Variants in CHST10 observed in about 807,000 individuals in gnomAD.
The protein encoded by CHST10 is HNK-1 sulfotransferase.
A neutral mutation model predicts 34.7 loss-of-function variants in CHST10; 24 were observed. The ratio of observed to expected loss-of-function variants is 0.69; its 90% CI spans 0.50 to 0.97. CHST10 has a LOEUF of 0.97. Among genes scored for constraint, CHST10 ranks in the 50% least tolerant of loss-of-function variants. CHST10 has a pLI of 0.00. For synonymous variants in CHST10, 161 were observed against 169.3 expected, an observed-to-expected ratio of 0.95 and a Z score of 0.38; for missense variants, 402 against 452.1, an observed-to-expected ratio of 0.89 and a Z score of 1.00.
intron 1 of CHST10, chr2:100,416,370 C>T (rs1172710237): frequency 1.3e-5 from 2 of 152,186 alleles, no homozygotes; most frequent in African/African-American, 2.4e-5. Context: ...ATTTTCTGCT[C>T]AGGTATTTCT....
rs1674848672 is a variant in CHST10, at chr2:100,392,702, C to A, written c.*543G>T. The A allele has an allele frequency of 6.2e-6, 1 of 160,690 alleles. No homozygotes were observed. The highest frequency in any genetic ancestry group is 1.8e-4 in the South Asian group (1 of 5,560). 10.0% of individuals were successfully genotyped at this position (160,690 alleles called of 1,614,324 possible). A position where few individuals can be genotyped will look rare whatever the true frequency, so the allele number is the denominator to read the frequency against. ...TCACAGAAAGAATGCTTTGCCTCCA[C>A]AATTGTCGCAGCACCAAGATGAAGG... On this transcript the variant is annotated 3_prime_UTR_variant, in exon 7 of 7. Coordinates refer to ENST00000264249, the MANE Select transcript of CHST10 (RefSeq NM_004854.5).
In CHST10 at chr2:100,410,179, G is replaced by A. The variant is rs75287930; in HGVS notation, c.-32-3472C>T. 3.7e-3 allele frequency among the ~76,000 whole-genome samples: 557 copies of A among 152,350 alleles called. 2 individuals are homozygous for A. The highest frequency in any genetic ancestry group is 6.6e-3 in the South Asian group (32 of 4,830). ...CACAGAGCCTGTGGGCAGTCACTGC[G>A]GGGTCCAGGAGGGAGCTCTCTGAGG... On this transcript the variant is annotated intron_variant, in intron 2 of 6. Coordinates refer to ENST00000264249, the MANE Select transcript of CHST10 (RefSeq NM_004854.5).
chr2:100,393,053 C>G lies in CHST10; in HGVS notation c.*192G>C, dbSNP rs1674866947. On this transcript the variant is annotated 3_prime_UTR_variant, in exon 7 of 7. Coordinates refer to ENST00000264249, the MANE Select transcript of CHST10 (RefSeq NM_004854.5). The stretch of plus-strand genomic sequence containing the variant: ...AGGGGTGTGGGCAGGGTCCTCAGAG[C>G]ATCTTACATCCAAACTAAGTTGTAA... 1.1e-5 allele frequency: 7 copies of G among 620,406 alleles called. No individual in the cohort carries two copies. In the South Asian group the frequency reaches 1.4e-4, roughly 12 times the overall value. 38.4% of individuals were successfully genotyped at this position (620,406 alleles called of 1,614,324 possible). A position where few individuals can be genotyped will look rare whatever the true frequency, so the allele number is the denominator to read the frequency against.
rs1429036448 is a variant in CHST10, at chr2:100,392,259, T to C, written c.*986A>G. The C allele has an allele frequency of 6.5e-6, 1 of 152,676 alleles. No individual in the cohort carries two copies. Among genetic ancestry groups the C allele is most frequent in the African/African-American group, 2.4e-5 (1 of 41,420 alleles). 9.5% of individuals were successfully genotyped at this position (152,676 alleles called of 1,614,324 possible). On this transcript the variant is annotated 3_prime_UTR_variant, in exon 7 of 7. Coordinates refer to ENST00000264249, the MANE Select transcript of CHST10 (RefSeq NM_004854.5). ...TGCTGAGATGAAAGGAATCGAAATG[T>C]ATAAACTACACTGAATTCTGTGATG...
At chr2:100,409,662 G>A (rs1675738309) in intron 2 of CHST10, among the ~76,000 whole-genome samples, 1 of 152,138 alleles carries the variant, frequency 6.6e-6, no homozygotes, top group African/African-American at 2.4e-5. Context: ...CTAGGTGGCT[G>A]TGGGTGTGTC....
intron 4 of CHST10, among the ~76,000 whole-genome samples, chr2:100,399,666 C>CT (rs1558637283): frequency 1.3e-5 from 2 of 152,172 alleles, no homozygotes; most frequent in African/African-American, 4.8e-5. Flanking sequence ...GAGGTCCCCC[C>CT]TCAGGGCCCC....
chr2:100,399,603 A>C (rs936644115), intron 4 of CHST10, among the ~76,000 whole-genome samples: 2 of 152,226 alleles, frequency 1.3e-5, no homozygotes, highest in Admixed American at 6.5e-5. Flanking sequence ...TGGGAAGGAC[A>C]TAAGACTTCT....
intron 4 of CHST10, among the ~76,000 whole-genome samples, chr2:100,399,140 G>A (rs1191836726): frequency 2.1e-5 from 3 of 146,110 alleles, no homozygotes; most frequent in East Asian, 2.0e-4. Context: ...GTCTCGTTCT[G>A]TGGCCCAGGC....
chr2:100,416,920 A>T, intron 1 of CHST10: 1 of 1,275,810 alleles, frequency 7.8e-7, no homozygotes, highest in Non-Finnish European at 1.0e-6. Context: ...AGCGAAGATC[A>T]GAGGCTCAGG....
rs887996555 is a variant in CHST10 at position 100,417,638 on chromosome 2, C to G, written c.-368G>C. The G allele has an allele frequency of 4.0e-5, 6 of 150,998 alleles. 1 individual carries two copies. The highest frequency in any genetic ancestry group is 3.4e-3 in the Middle Eastern group (1 of 292). The allele number at this position is 150,998 out of a possible 1,614,324, so 9.4% of individuals were successfully genotyped here. A position where few individuals can be genotyped will look rare whatever the true frequency, so the allele number is the denominator to read the frequency against. ...ACGCCGGCACCGCCTCACGCGGCCC[C>G]CTCGCGCCTATCCGGCCGTGCGCGC... is the stretch of plus-strand genomic sequence containing the variant. On this transcript the variant is annotated 5_prime_UTR_variant, in exon 1 of 7. Transcript: ENST00000264249.
intron 1 of CHST10, among the ~76,000 whole-genome samples, 169 bp from the exon 2 acceptor site, chr2:100,415,280 G>C (rs1049574089): frequency 6.6e-6 from 1 of 152,058 alleles, no homozygotes; most frequent in Non-Finnish European, 1.5e-5. Flanking sequence ...GGATTTCTTG[G>C]TAAATGAATA....
chr2:100,417,052 C>A (rs1676096339), intron 1 of CHST10: 1 of 1,304,146 alleles, frequency 7.7e-7, no homozygotes, highest in African/African-American at 1.5e-5. Context: ...CAAGCTGAAC[C>A]CTTTCTTCCT....
At chr2:100,410,269 G>A (rs1048448218) in intron 2 of CHST10, among the ~76,000 whole-genome samples, 6 of 152,188 alleles carry the variant, frequency 3.9e-5, no homozygotes, top group Non-Finnish European at 8.8e-5. Context: ...CCTTTCCCAT[G>A]GGCAGCAGAG....
chr2:100,415,566 T>C (rs1235373754), intron 1 of CHST10, among the ~76,000 whole-genome samples: 1 of 152,072 alleles, frequency 6.6e-6, no homozygotes, highest in Non-Finnish European at 1.5e-5. Context: ...TGGAATTAGA[T>C]CATGGATTTA....
At position 100,396,544 on chromosome 2, in the gene CHST10, T is replaced by C. The variant is rs537731810; in HGVS notation, c.428-930A>G. On this transcript the variant is annotated intron_variant, in intron 5 of 6. Transcript: ENST00000264249. ...TGACCAGTGGACACAGTCTTGTCTGTTTTATTGATTCCTCCCCCGAGTGTT... is the reference window on the plus strand; with the variant it reads ...TGACCAGTGGACACAGTCTTGTCTGCTTTATTGATTCCTCCCCCGAGTGTT... 2.0e-5 allele frequency among the ~76,000 whole-genome samples: 3 copies of C among 152,278 alleles called. No homozygotes were observed. The South Asian group carries it at 6.2e-4, about 32-fold the overall frequency.
intron 2 of CHST10, among the ~76,000 whole-genome samples, chr2:100,411,150 TC>T (rs1288099710): frequency 2.0e-5 from 3 of 149,376 alleles, no homozygotes; most frequent in African/African-American, 7.5e-5. Context: ...AGTGTGTCTC[TC>T]TGTCACCCCG....
At chr2:100,394,735 T>C (rs1674971639) in intron 6 of CHST10, among the ~76,000 whole-genome samples, 1 of 151,796 alleles carries the variant, frequency 6.6e-6, no homozygotes, top group African/African-American at 2.4e-5. Context: ...TCTTTTTTTT[T>C]TTTTTTGAGA....
chr2:100,395,945 G>A (rs1045988677), intron 5 of CHST10, among the ~76,000 whole-genome samples: 2 of 152,154 alleles, frequency 1.3e-5, no homozygotes, highest in Non-Finnish European at 2.9e-5. Flanking sequence ...GAGGAAGATC[G>A]CTGCATGCAA....
rs759437748 is a variant in CHST10 at position 100,395,571 on chromosome 2, G to A, written c.471C>T (p.His157=). Residue 157 remains histidine (H), a synonymous_variant, in exon 6 of 7, where the codon CAC becomes CAT. Transcript: ENST00000264249. ...GAGGAAGGCCGTTCTTCTCGTGGTCGTGCACCACGTTTTCGGGGATCTCCT... is the reference window on the plus strand; with the variant it reads ...GAGGAAGGCCGTTCTTCTCGTGGTCATGCACCACGTTTTCGGGGATCTCCT... ...SIEEIPENVV[H]DHEKNGLPRL... is the part of the protein sequence containing the mutation. 51 of 1,613,846 alleles carry A rather than the reference G, an allele frequency of 3.2e-5. No individual in the cohort carries two copies. The highest frequency in any genetic ancestry group is 1.6e-4 in the South Asian group (15 of 91,066).
Sources: allele counts gnomAD v4.1 joint callset (sites outside exome capture counted in the v4.1 genomes callset), GRCh38; gene constraint gnomAD v4.1.1; transcripts MANE v1.5; gene names NCBI Gene and HGNC (gene_info 2026-07-23, HGNC 2026-07-21).